The following IQUB variants were observed in gnomAD, a reference collection of about 807,000 sequenced individuals.
IQUB encodes the protein IQ motif and ubiquitin-like domain-containing protein.
Under a neutral mutation model 86.4 loss-of-function variants are expected in IQUB, and 86 were observed. The observed-to-expected ratio is 1.00, with a 90% CI of 0.84 to 1.19. The LOEUF (loss-of-function observed/expected upper bound fraction) is 1.19, where lower values mean the gene tolerates loss of function less well. Among genes scored for constraint, IQUB ranks in the 50% most tolerant of loss-of-function variants. The pLI, the probability that IQUB is intolerant of heterozygous loss-of-function variation, is 0.00. For synonymous variants in IQUB, 289 were observed against 304.5 expected, an observed-to-expected ratio of 0.95 and a Z score of 0.53; for missense variants, 946 against 916.9, an observed-to-expected ratio of 1.03 and a Z score of -0.41.
intron 1 of IQUB, among the ~76,000 whole-genome samples, chr7:123,528,086 C>T (rs1479007113): frequency 3.3e-5 from 5 of 152,172 alleles, no homozygotes; most frequent in Admixed American, 1.3e-4. Context: ...TTCCAGGTGC[C>T]GTCTGTCACC....
At position 123,461,371 on chromosome 7, in the gene IQUB, C is replaced by A. The variant is rs1793974563; in HGVS notation, c.1993G>T (p.Ala665Ser). 3 of 1,605,358 alleles carry A rather than the reference C, an allele frequency of 1.9e-6. No individual in the cohort carries two copies. The African/African-American group carries it at 4.0e-5, about 22-fold the overall frequency. ...ATTGACCATACCTGCATCAAGAAAG[C>A]AATTTTAGAATCATCTTCATAATCA... The part of the protein sequence containing the change: ...EADYEDDSKI[A>S]FLMQLQDIQY... The change falls in exon 11 of 13, where the codon GCT (alanine) becomes TCT (serine). Residue 665 changes from alanine (A) to serine (S), a missense_variant. Physicochemically the swap from Ala to Ser is moderately conservative, Grantham distance 99. Transcript: ENST00000324698.
chr7:123,511,328 T>TAAC (rs1247177285), intron 2 of IQUB, among the ~76,000 whole-genome samples: 1 of 152,218 alleles, frequency 6.6e-6, no homozygotes, highest in Non-Finnish European at 1.5e-5. Flanking sequence ...GTTCTCTGTG[T>TAAC]AACCACCTTA....
chr7:123,518,016 A>C (rs1217808064), intron 1 of IQUB, among the ~76,000 whole-genome samples: 1 of 152,256 alleles, frequency 6.6e-6, no homozygotes, highest in Non-Finnish European at 1.5e-5. Flanking sequence ...CCAGGGCATG[A>C]GAGTTGATCC....
chr7:123,459,012 C>A (rs76976996), intron 11 of IQUB, among the ~76,000 whole-genome samples: 2,427 of 151,940 alleles, frequency 0.016, 62 homozygotes, highest in African/African-American at 0.055. Context: ...TGAGAATGTT[C>A]AAACATTCAA....
In IQUB at chr7:123,461,472, A is replaced by G; in HGVS notation, c.1892T>C (p.Leu631Pro). The change falls in exon 11 of 13, where the codon CTT becomes CCT. Residue 631 changes from leucine to proline, a missense_variant. Leu to Pro is a moderately conservative substitution (Grantham distance 98). Transcript: ENST00000324698. ...RIYRCRNCIN[L>P]QNEAQKRESF... ...TTCTCGTTTTTGAGCCTCATTCTGA[A>G]GGTTAATGCAGTTACGACACCGGTA... The G allele has an allele frequency of 6.2e-7, 1 of 1,612,528 alleles. No homozygotes were observed. The highest frequency in any genetic ancestry group is 8.5e-7 in the Non-Finnish European group (1 of 1,179,000).
intron 3 of IQUB, among the ~76,000 whole-genome samples, chr7:123,508,442 C>T (rs1487575744): frequency 1.3e-5 from 2 of 152,202 alleles, no homozygotes; most frequent in Non-Finnish European, 2.9e-5. Context: ...TATTTCTCTA[C>T]TTATTTCTGT....
Position 123,469,352 on chromosome 7 carries a change from A to C in IQUB, c.1443T>G (p.Asn481Lys). ...GCGTATCCATCTCAATTGTTTTGCC[A>C]TTAGGGGTTCTCCATATTTTTGGAG... ...CSAPKIWRTPNGKTIEMDTQF... is the reference protein window; with the variant it reads ...CSAPKIWRTPKGKTIEMDTQF... The change falls in exon 9 of 13, where the codon AAT becomes AAG. Residue 481 changes from asparagine to lysine, a missense_variant. By Grantham distance (94) the Asn-to-Lys change is moderately conservative. Transcript: ENST00000324698. The C allele has an allele frequency of 1.2e-6, 2 of 1,600,634 alleles. No homozygotes were observed. The highest frequency in any genetic ancestry group is 1.7e-6 in the Non-Finnish European group (2 of 1,174,506).
At chr7:123,471,681 T>C (rs1794529417) in intron 8 of IQUB, among the ~76,000 whole-genome samples, 1 of 152,344 alleles carries the variant, frequency 6.6e-6, no homozygotes, top group African/African-American at 2.4e-5. Context: ...TGGTTAGATC[T>C]TGGTTTCCAA....
intron 8 of IQUB, among the ~76,000 whole-genome samples, chr7:123,473,804 C>T (rs1351344768): frequency 4.7e-5 from 7 of 149,418 alleles, no homozygotes. Flanking sequence ...TCAGGCTGGT[C>T]TCAAACTCCT....
intron 7 of IQUB, among the ~76,000 whole-genome samples, chr7:123,495,472 C>CA (rs147020627): frequency 0.017 from 2,501 of 151,400 alleles, 66 homozygotes; most frequent in African/African-American, 0.056. Flanking sequence ...ATAACATCCA[C>CA]AAAAAAAATA....
chr7:123,508,642 A>G lies in IQUB; in HGVS notation c.532+1259T>C, dbSNP rs910093577. Among the ~76,000 whole-genome samples, 13 of 152,210 alleles carry G rather than the reference A, an allele frequency of 8.5e-5. 2 individuals are homozygous for G. Among genetic ancestry groups the G allele is most frequent in the Admixed American group, 7.2e-4 (11 of 15,280 alleles). On this transcript the variant is annotated intron_variant, in intron 3 of 12. Coordinates refer to ENST00000324698, the MANE Select transcript of IQUB (RefSeq NM_178827.5). ...AAGAACAGAGAAATCCTTAAGTACCACTAGCTGGTTACTACAATCTCAAAG... is the reference window on the plus strand; with the variant it reads ...AAGAACAGAGAAATCCTTAAGTACCGCTAGCTGGTTACTACAATCTCAAAG...
chr7:123,496,709 A>G lies in IQUB; in HGVS notation c.1221T>C (p.Tyr407=), dbSNP rs1486635134. ...TGTCCAACTTACATTCTAATGCATT[A>G]TAAAGAAATTCAAAATCTTCATTTG... ...PKTNEDFEFL[Y]NALEFWRQEE... The change falls in exon 7 of 13, where the codon TAT becomes TAC. Residue 407 remains tyrosine, a synonymous_variant. Transcript: ENST00000324698. The G allele has an allele frequency of 6.3e-7, 1 of 1,598,154 alleles. No homozygotes were observed. Among genetic ancestry groups the G allele is most frequent in the Admixed American group, 1.7e-5 (1 of 58,662 alleles).
At chr7:123,458,308 A>C (rs1793813094) in intron 11 of IQUB, among the ~76,000 whole-genome samples, 2 of 152,004 alleles carry the variant, frequency 1.3e-5, no homozygotes, top group African/African-American at 4.8e-5. Context: ...ACAAAGTATA[A>C]GCATGTAAAA....
chr7:123,522,470 C>T lies in IQUB; in HGVS notation c.-4-10126G>A, dbSNP rs572606891. Among the ~76,000 whole-genome samples the T allele has an allele frequency of 5.1e-4, 77 of 152,342 alleles. 1 individual carries two copies. The highest frequency in any genetic ancestry group is 7.9e-4 in the Non-Finnish European group (54 of 68,040). Reference sequence around the variant, plus strand: ...CTTAACCTAAGTCTCATATTCCACACTTGTGAAATGGGATATTAGTAGTTT... The same window carrying T: ...CTTAACCTAAGTCTCATATTCCACATTTGTGAAATGGGATATTAGTAGTTT... On this transcript the variant is annotated intron_variant, in intron 1 of 12. Coordinates refer to ENST00000324698, the MANE Select transcript of IQUB (RefSeq NM_178827.5).
chr7:123,454,610 T>A (rs1793606423), intron 12 of IQUB, among the ~76,000 whole-genome samples: 1 of 152,126 alleles, frequency 6.6e-6, no homozygotes, highest in Non-Finnish European at 1.5e-5. Context: ...TCCATTCTCT[T>A]GAAATAGCCA....
Position 123,512,021 on chromosome 7 carries a change from T to C in IQUB, c.320A>G (p.Asp107Gly), listed in dbSNP as rs1796437923. 6.2e-7 allele frequency: 1 copy of C among 1,613,234 alleles called. No individual in the cohort carries two copies. Among genetic ancestry groups the C allele is most frequent in the Non-Finnish European group, 8.5e-7 (1 of 1,179,378 alleles). Residue 107 changes from aspartate to glycine, a missense_variant, in exon 2 of 13, where the codon GAT (aspartate) becomes GGT (glycine). By Grantham distance (94) the Asp-to-Gly change is moderately conservative. Coordinates refer to ENST00000324698, the MANE Select transcript of IQUB (RefSeq NM_178827.5). ...KQYAMQRPNDDSLAFLDKIKS... is the reference protein window; with the variant it reads ...KQYAMQRPNDGSLAFLDKIKS... ...TATTTTATCCAGAAATGCCAAACTA[T>C]CATCATTTGGCCTCTGCATTGCATA...
chr7:123,491,987 G>C (rs1158808385), intron 7 of IQUB, among the ~76,000 whole-genome samples: 1 of 152,102 alleles, frequency 6.6e-6, no homozygotes, highest in Non-Finnish European at 1.5e-5. Context: ...ATGTGATTAG[G>C]TAATGAGGGT....
At chr7:123,467,149 C>A (rs1794301057) in intron 9 of IQUB, among the ~76,000 whole-genome samples, 1 of 151,370 alleles carries the variant, frequency 6.6e-6, no homozygotes, top group African/African-American at 2.4e-5. Context: ...TTTATTTACA[C>A]TGACCATAAT....
chr7:123,518,976 C>A (rs1460280988), intron 1 of IQUB, among the ~76,000 whole-genome samples: 1 of 148,680 alleles, frequency 6.7e-6, no homozygotes, highest in Non-Finnish European at 1.5e-5. Context: ...ACCTCAAATA[C>A]CCCCTAATTT....
Sources: allele counts gnomAD v4.1 joint callset (sites outside exome capture counted in the v4.1 genomes callset), GRCh38; gene constraint gnomAD v4.1.1; transcripts MANE v1.5; gene names NCBI Gene and HGNC (gene_info 2026-07-23, HGNC 2026-07-21).